The following MTMR12 variants were observed in gnomAD, a reference collection of about 807,000 sequenced individuals.
MTMR12 encodes the protein myotubularin-related protein 12.
A neutral mutation model predicts 96.7 loss-of-function variants in MTMR12; 33 were observed. The ratio of observed to expected loss-of-function variants is 0.34; its 90% CI spans 0.26 to 0.46. MTMR12 has a LOEUF of 0.46. MTMR12 is among the 20% of genes least tolerant of loss of function. MTMR12 has a pLI of 1.00. For missense variants in MTMR12, 721 were observed against 896.1 expected, an observed-to-expected ratio of 0.80 and a Z score of 2.49; for synonymous variants, 298 against 327.2, an observed-to-expected ratio of 0.91 and a Z score of 0.96.
At chr5:32,283,062 G>T (rs139358647) in intron 1 of MTMR12, among the ~76,000 whole-genome samples, 1 of 152,142 alleles carries the variant, frequency 6.6e-6, no homozygotes, top group Non-Finnish European at 1.5e-5. Flanking sequence ...ATCTTGGAGT[G>T]GGTTCCCCTG....
At chr5:32,264,031 C>T (rs930186935) in intron 6 of MTMR12, among the ~76,000 whole-genome samples, 1 of 152,120 alleles carries the variant, frequency 6.6e-6, no homozygotes, top group Non-Finnish European at 1.5e-5. Context: ...ACAACCGGTT[C>T]CTGAAGGCCA....
At chr5:32,274,176 G>T in intron 2 of MTMR12, 54 bp from the exon 3 acceptor site, 1 of 1,585,520 alleles carries the variant, frequency 6.3e-7, no homozygotes, top group African/African-American at 1.4e-5. Flanking sequence ...CATACGATAT[G>T]CAAACACTAA....
Position 32,239,153 on chromosome 5 carries a change from A to C in MTMR12, c.1192T>G (p.Cys398Gly). 1 of 1,604,230 alleles carries C rather than the reference A, an allele frequency of 6.2e-7. No individual in the cohort carries two copies. Residue 398 changes from cysteine (C) to glycine (G), a missense_variant, in exon 13 of 16, where the codon TGC becomes GGC. Coordinates refer to ENST00000382142, the MANE Select transcript of MTMR12 (RefSeq NM_001040446.3). The stretch of plus-strand genomic sequence containing the variant: ...TGCACCAGAGAGGAAATGAGACAGC[A>C]GAGGTCGGATGCATTCTCCTCTAGG... ...LLLEENASDL[C>G]CLISSLVQLM...
chr5:32,308,034 C>G (rs1751422332), intron 1 of MTMR12, among the ~76,000 whole-genome samples: 1 of 152,152 alleles, frequency 6.6e-6, no homozygotes, highest in African/African-American at 2.4e-5. Flanking sequence ...AAGAAATAAG[C>G]AACAGTTGGC....
chr5:32,244,433 A>G (rs1027530826), intron 10 of MTMR12, among the ~76,000 whole-genome samples: 1 of 152,162 alleles, frequency 6.6e-6, no homozygotes, highest in African/African-American at 2.4e-5. Flanking sequence ...CTACTAAAAT[A>G]CAAAAAAATT....
chr5:32,291,668 G>A (rs749307296), intron 1 of MTMR12, among the ~76,000 whole-genome samples: 2 of 152,132 alleles, frequency 1.3e-5, no homozygotes, highest in Non-Finnish European at 2.9e-5. Context: ...GCCCATAAAC[G>A]AAATGGCCAT....
rs1747787873 is a variant in MTMR12, at chr5:32,227,777, T to C, written c.*2001A>G. Reference sequence around the variant, plus strand: ...TAGTTAGTGTATTTTAAAATCCCTATTGCAAGCCTAACACTGACCTCGCTA... The same window carrying C: ...TAGTTAGTGTATTTTAAAATCCCTACTGCAAGCCTAACACTGACCTCGCTA... On this transcript the variant is annotated 3_prime_UTR_variant, in exon 16 of 16. Coordinates refer to ENST00000382142, the MANE Select transcript of MTMR12 (RefSeq NM_001040446.3). 1 of 152,622 alleles carries C rather than the reference T, an allele frequency of 6.6e-6. No individual in the cohort carries two copies. Among genetic ancestry groups the C allele is most frequent in the South Asian group, 2.1e-4 (1 of 4,834 alleles). 9.5% of individuals were successfully genotyped at this position (152,622 alleles called of 1,614,324 possible).
At chr5:32,280,005 TG>T (rs1242267517) in intron 1 of MTMR12, among the ~76,000 whole-genome samples, 1 of 152,182 alleles carries the variant, frequency 6.6e-6, no homozygotes, top group Non-Finnish European at 1.5e-5. Flanking sequence ...CAAAAGCACA[TG>T]GATGTTAAAG....
intron 5 of MTMR12, 81 bp from the exon 6 acceptor site, chr5:32,268,875 T>TG: frequency 8.7e-7 from 1 of 1,148,782 alleles, no homozygotes; most frequent in Non-Finnish European, 1.3e-6. Flanking sequence ...GGTGTCTAAG[T>TG]TCTTAGTCAT....
At position 32,312,887 on chromosome 5, in the gene MTMR12, G is replaced by A; in HGVS notation, c.-49C>T. On this transcript the variant is annotated 5_prime_UTR_variant, in exon 1 of 16. Transcript: ENST00000382142. This position sits in a 1 kb window ranked among gnomAD's most constrained non-coding sequence, Gnocchi z 5.0. Reference sequence around the variant, plus strand: ...CGCGCGGACGCAGAGGCGGCGGCTCGGGCTCCAGCTGGGGCAGCAGCGGCG... The same window carrying A: ...CGCGCGGACGCAGAGGCGGCGGCTCAGGCTCCAGCTGGGGCAGCAGCGGCG... 6.7e-7 allele frequency: 1 copy of A among 1,487,842 alleles called. No individual in the cohort carries two copies. Among genetic ancestry groups the A allele is most frequent in the Non-Finnish European group, 8.9e-7 (1 of 1,121,918 alleles). The allele number at this position is 1,487,842 out of a possible 1,614,324, so 92.2% of individuals were successfully genotyped here.
At chr5:32,284,645 C>A (rs1277447358) in intron 1 of MTMR12, among the ~76,000 whole-genome samples, 1 of 152,166 alleles carries the variant, frequency 6.6e-6, no homozygotes, top group Non-Finnish European at 1.5e-5. Context: ...TAAGCCTCTG[C>A]GCCTTTAACT....
At chr5:32,241,329 T>C (rs1050757970) in intron 12 of MTMR12, among the ~76,000 whole-genome samples, 1 of 152,188 alleles carries the variant, frequency 6.6e-6, no homozygotes, top group Non-Finnish European at 1.5e-5. Context: ...GGTCAGCCAA[T>C]ATCAGATGGA....
intron 5 of MTMR12, among the ~76,000 whole-genome samples, chr5:32,269,697 G>A (rs1749757966): frequency 6.6e-6 from 1 of 152,150 alleles, no homozygotes; most frequent in South Asian, 2.1e-4. Flanking sequence ...AAAAACGTAA[G>A]TGCCACATTA....
chr5:32,264,563 C>T (rs1212956491), intron 6 of MTMR12, among the ~76,000 whole-genome samples: 2 of 151,842 alleles, frequency 1.3e-5, no homozygotes, highest in African/African-American at 2.4e-5. Context: ...CAGGTTCAAG[C>T]GATTCTCCTG....
chr5:32,258,756 C>T (rs1399641406), intron 7 of MTMR12, among the ~76,000 whole-genome samples: 1 of 152,164 alleles, frequency 6.6e-6, no homozygotes, highest in Non-Finnish European at 1.5e-5. Context: ...TAAACCAGAT[C>T]CTGAGCTCCT....
At chr5:32,239,922 T>A (rs1314036479) in intron 12 of MTMR12, among the ~76,000 whole-genome samples, 1 of 152,214 alleles carries the variant, frequency 6.6e-6, no homozygotes, top group Non-Finnish European at 1.5e-5. Context: ...TTAACATTCA[T>A]GACTTAGAGC....
At chr5:32,260,730 G>C (rs183808862) in intron 7 of MTMR12, among the ~76,000 whole-genome samples, 3 of 151,036 alleles carry the variant, frequency 2.0e-5, no homozygotes, top group East Asian at 2.0e-4. Context: ...ACTGCAGGGC[G>C]GGGGGGAGGG....
intron 1 of MTMR12, among the ~76,000 whole-genome samples, chr5:32,294,790 T>C (rs143534110): frequency 5.9e-5 from 9 of 152,322 alleles, no homozygotes; most frequent in Admixed American, 2.0e-4. Context: ...AAAACATACA[T>C]AGAGACAATA....
At chr5:32,240,606 A>T (rs1016821430) in intron 12 of MTMR12, among the ~76,000 whole-genome samples, 14 of 151,962 alleles carry the variant, frequency 9.2e-5, no homozygotes, top group African/African-American at 3.4e-4. Context: ...TTTTCAAAAC[A>T]AGTTTCTTTT....
Sources: gnomAD v4.1 joint callset for allele counts (sites outside exome capture counted in the v4.1 genomes callset) on GRCh38, gnomAD v4.1.1 for gene constraint, Gnocchi (gnomAD v3.1) non-coding constraint, MANE v1.5 for transcripts, NCBI Gene and HGNC (gene_info 2026-07-23, HGNC 2026-07-21) for gene names.